DST: variants seen among roughly 807,000 people sequenced by gnomAD.
The protein encoded by DST is dystonin, also known as bullous pemphigoid antigen.
DST carries 253 observed loss-of-function variants against 875.2 expected under a neutral mutation model. The observed-to-expected ratio is 0.29, with a 90% CI of 0.26 to 0.32. The LOEUF (loss-of-function observed/expected upper bound fraction) is 0.32. Ranked by LOEUF, DST falls within the 10% of genes least tolerant of loss-of-function variation. The pLI is 1.00. For synonymous variants in DST, 3,124 were observed against 3,197.1 expected (o/e 0.98, Z 0.77); for missense variants, 8,287 against 9,111.6 (o/e 0.91, Z 3.68).
intron 3 of DST, among the ~76,000 whole-genome samples, chr6:56,899,964 C>G (rs568570193): frequency 2.0e-5 from 3 of 152,342 alleles, no homozygotes; most frequent in African/African-American, 7.2e-5. Flanking sequence ...GAGGGACGCA[C>G]AGGCCTCACT....
At chr6:56,593,339 C>A (rs2098315748) in intron 48 of DST, among the ~76,000 whole-genome samples, 1 of 151,700 alleles carries the variant, frequency 6.6e-6, no homozygotes, top group Admixed American at 6.6e-5. Flanking sequence ...TACAGTGAAA[C>A]CCCATCTCTA....
Position 56,640,620 on chromosome 6 carries a change from CA to C in DST, c.2028-16del, listed in dbSNP as rs2098886125. On this transcript the variant is annotated splice_polypyrimidine_tract_variant and intron_variant, in intron 17 of 103. Transcript: ENST00000680361. ...GTTTTGCAACCCTGAAAAGAAAATC[CA>C]AAGGGATAAGGTGAAATATAAAGGC... 2 of 1,599,162 alleles carry C rather than the reference CA, an allele frequency of 1.3e-6. No homozygotes were observed. The highest frequency in any genetic ancestry group is 2.7e-5 in the African/African-American group (2 of 74,708).
intron 4 of DST, among the ~76,000 whole-genome samples, chr6:56,777,017 C>T (rs1386499302): frequency 2.0e-5 from 3 of 152,122 alleles, no homozygotes; most frequent in Non-Finnish European, 2.9e-5. Context: ...TTTGGTCATC[C>T]TAACATGGTC....
At position 56,477,499 on chromosome 6, in the gene DST, A is replaced by C; in HGVS notation, c.21532-11T>G. On this transcript the variant is annotated splice_polypyrimidine_tract_variant and intron_variant, in intron 90 of 103. Transcript: ENST00000680361. ...TTTCTTCATGAATTCCTACAGCAGAAACAAAGACTTCAATTAACTGTTGGC... is the reference window on the plus strand; with the variant it reads ...TTTCTTCATGAATTCCTACAGCAGACACAAAGACTTCAATTAACTGTTGGC... The C allele has an allele frequency of 6.2e-7, 1 of 1,613,898 alleles. No individual in the cohort carries two copies. The highest frequency in any genetic ancestry group is 8.5e-7 in the Non-Finnish European group (1 of 1,179,838).
In DST at chr6:56,569,968, T is replaced by C; in HGVS notation, c.13766A>G (p.Gln4589Arg). 1 of 1,608,234 alleles carries C rather than the reference T, an allele frequency of 6.2e-7. No homozygotes were observed. The highest frequency in any genetic ancestry group is 8.5e-7 in the Non-Finnish European group (1 of 1,178,226). Reference sequence around the variant, plus strand: ...TGACTTCAATGATTTAACAAGAACTTGGAAAGCATCCAACTGTTCTTGACA... The same window carrying C: ...TGACTTCAATGATTTAACAAGAACTCGGAAAGCATCCAACTGTTCTTGACA... ...TSCQEQLDAF[Q>R]VLVKSLKSWI... Residue 4589 changes from glutamine (Q) to arginine (R), a missense_variant, in exon 54 of 104, where the codon CAA becomes CGA. Physicochemically the swap from Gln to Arg is conservative, Grantham distance 43. Around this residue, in one of 10 missense-constraint regions of DST, gnomAD observed 1,513 missense variants for 1,677.8 expected, o/e 0.90. Coordinates refer to ENST00000680361, the MANE Select transcript of DST (RefSeq NM_001374736.1).
At chr6:56,704,867 C>G (rs540116412) in intron 5 of DST, among the ~76,000 whole-genome samples, 2 of 152,134 alleles carry the variant, frequency 1.3e-5, no homozygotes, top group Non-Finnish European at 2.9e-5. Flanking sequence ...ATCTTATGAG[C>G]CTATAATTAT....
At chr6:56,776,121 T>A (rs2099678644) in intron 4 of DST, among the ~76,000 whole-genome samples, 1 of 152,242 alleles carries the variant, frequency 6.6e-6, no homozygotes, top group Non-Finnish European at 1.5e-5. Flanking sequence ...GATATGTTAA[T>A]AATGGCACTT....
chr6:56,837,304 G>T (rs1450225435), intron 4 of DST, among the ~76,000 whole-genome samples: 1 of 152,012 alleles, frequency 6.6e-6, no homozygotes, highest in East Asian at 1.9e-4. Context: ...AAACTTTTTT[G>T]GACATAACTT....
At chr6:56,550,977 G>A (rs995027221) in intron 61 of DST, among the ~76,000 whole-genome samples, 1 of 152,188 alleles carries the variant, frequency 6.6e-6, no homozygotes, top group South Asian at 2.1e-4. Context: ...ACAGAGCAAT[G>A]AAGGAGGTCA....
At chr6:56,812,747 C>T (rs994622037) in intron 4 of DST, among the ~76,000 whole-genome samples, 2 of 152,094 alleles carry the variant, frequency 1.3e-5, no homozygotes, top group African/African-American at 4.8e-5. Flanking sequence ...TTAAAATGTC[C>T]ACTTAACGAG....
chr6:56,531,597 G>A (rs370133981), intron 64 of DST, among the ~76,000 whole-genome samples: 6 of 152,026 alleles, frequency 3.9e-5, no homozygotes, highest in East Asian at 3.9e-4. Flanking sequence ...AAAGAAGGTG[G>A]GAATTTATAT....
chr6:56,625,943 C>T (rs1360488514), intron 34 of DST, among the ~76,000 whole-genome samples: 3 of 140,766 alleles, frequency 2.1e-5, no homozygotes, highest in Non-Finnish European at 4.6e-5. Flanking sequence ...ATGTTTGTCT[C>T]TTAGGCTTTA....
intron 4 of DST, among the ~76,000 whole-genome samples, chr6:56,762,111 C>T (rs2099618575): frequency 6.6e-6 from 1 of 152,090 alleles, no homozygotes; most frequent in Admixed American, 6.5e-5. Flanking sequence ...ACCTCCACCT[C>T]CCGGGCTCAA....
rs373755029 is a variant in DST, at chr6:56,577,669, A to C, written c.13027+1145T>G. On this transcript the variant is annotated intron_variant, in intron 50 of 103. Coordinates refer to ENST00000680361, the MANE Select transcript of DST (RefSeq NM_001374736.1). ...AAAATTTTGACTCAGATTTTAATTC[A>C]TGCTCTATTTAGGGTAAAACATATG... Among the ~76,000 whole-genome samples, 3 of 152,328 alleles carry C rather than the reference A, an allele frequency of 2.0e-5. No homozygotes were observed. The East Asian group carries it at 5.8e-4, about 29-fold the overall frequency.
intron 3 of DST, among the ~76,000 whole-genome samples, chr6:56,893,506 T>C (rs1225399325): frequency 2.1e-5 from 3 of 144,064 alleles, no homozygotes; most frequent in African/African-American, 5.2e-5. Context: ...TCTTTTCCTC[T>C]GGGTAGATAC....
chr6:56,505,046 C>T (rs1428016441), intron 77 of DST, among the ~76,000 whole-genome samples: 1 of 152,024 alleles, frequency 6.6e-6, no homozygotes, highest in Admixed American at 6.6e-5. Context: ...GGCGATAAAT[C>T]TTGGATTTTT....
intron 49 of DST, among the ~76,000 whole-genome samples, chr6:56,590,351 T>G (rs1474524711): frequency 6.6e-6 from 1 of 152,236 alleles, no homozygotes; most frequent in Non-Finnish European, 1.5e-5. Flanking sequence ...ATATGCAGTA[T>G]AATCTGTTTA....
intron 4 of DST, chr6:56,844,083 G>T: frequency 6.6e-6 from 1 of 152,476 alleles, no homozygotes. Context: ...GATGATCGGG[G>T]GGAGGGTTGG....
chr6:56,480,177 T>C (rs1001883012), intron 90 of DST, among the ~76,000 whole-genome samples: 1 of 152,252 alleles, frequency 6.6e-6, no homozygotes, highest in African/African-American at 2.4e-5. Context: ...GAGTCAACGT[T>C]CAATTGACAG....
Sources: allele counts gnomAD v4.1 joint callset (sites outside exome capture counted in the v4.1 genomes callset), GRCh38; gene constraint gnomAD v4.1.1; regional missense constraint gnomAD v4.1.1; transcripts MANE v1.5; gene names NCBI Gene and HGNC (gene_info 2026-07-23, HGNC 2026-07-21).